ZFAND1: variants seen among roughly 807,000 people sequenced by gnomAD.
ZFAND1 encodes AN1-type zinc finger protein 1.
A neutral mutation model predicts 38.5 loss-of-function variants in ZFAND1; 40 were observed. The ratio of observed to expected loss-of-function variants is 1.04; its 90% CI spans 0.81 to 1.35. ZFAND1 has a LOEUF of 1.35. Ranked by LOEUF, ZFAND1 falls within the 40% of genes most tolerant of loss-of-function variation. ZFAND1 has a pLI of 0.00. For missense variants in ZFAND1, 346 were observed against 316.3 expected, an observed-to-expected ratio of 1.09 and a Z score of -0.71; for synonymous variants, 117 against 103.6, an observed-to-expected ratio of 1.13 and a Z score of -0.78.
chr8:81,720,977 T>C (rs1585932962), intron 1 of ZFAND1: 1 of 517,064 alleles, frequency 1.9e-6, no homozygotes, highest in South Asian at 2.4e-5. Flanking sequence ...CCCACCCCGC[T>C]CCTCAGGCCC....
At chr8:81,715,612 G>C (rs536925272) in intron 3 of ZFAND1, among the ~76,000 whole-genome samples, 22 of 149,818 alleles carry the variant, frequency 1.5e-4, no homozygotes, top group African/African-American at 4.2e-4. Context: ...TTTATTACCA[G>C]CAAATACTCC....
intron 3 of ZFAND1, among the ~76,000 whole-genome samples, chr8:81,715,684 A>G (rs1171927528): frequency 2.0e-5 from 3 of 152,062 alleles, no homozygotes; most frequent in African/African-American, 7.2e-5. Flanking sequence ...CAGCCAGGCT[A>G]TTCTGAGCAT....
At chr8:81,719,346 C>CACAT (rs1344172565) in intron 1 of ZFAND1, among the ~76,000 whole-genome samples, 2 of 150,378 alleles carry the variant, frequency 1.3e-5, no homozygotes, top group African/African-American at 5.0e-5. Flanking sequence ...CACACACACA[C>CACAT]ACACACACAA....
At chr8:81,718,020 A>G (rs1808366131) in intron 2 of ZFAND1, among the ~76,000 whole-genome samples, 162 bp downstream of exon 2, 2 of 151,842 alleles carry the variant, frequency 1.3e-5, no homozygotes, top group African/African-American at 4.9e-5. Flanking sequence ...TTTAAAAATC[A>G]GTCATATATA....
chr8:81,707,228 A>G (rs1808009002), intron 6 of ZFAND1, among the ~76,000 whole-genome samples: 1 of 152,210 alleles, frequency 6.6e-6, no homozygotes. Flanking sequence ...GCTTAGGAGC[A>G]GGAAAGGAGC....
In ZFAND1 at chr8:81,721,210, G is replaced by T; in HGVS notation, c.55+17C>A. 1 of 1,547,036 alleles carries T rather than the reference G, an allele frequency of 6.5e-7. No individual in the cohort carries two copies. Among genetic ancestry groups the T allele is most frequent in the Non-Finnish European group, 8.7e-7 (1 of 1,146,836 alleles). ...TCTCCCGCGGCCGGGGATGGGGGCT[G>T]GAAGCTCCCGGATCACCTCGCTGCC... On this transcript the variant is annotated intron_variant, in intron 1 of 7. Transcript: ENST00000220669.
intron 6 of ZFAND1, 68 bp downstream of exon 6, chr8:81,713,850 G>T: frequency 6.7e-7 from 1 of 1,482,434 alleles, no homozygotes; most frequent in Non-Finnish European, 9.4e-7. Context: ...TTGATGGGAA[G>T]GAGGAATACA....
chr8:81,720,855 G>C, intron 1 of ZFAND1: 1 of 368,810 alleles, frequency 2.7e-6, no homozygotes, highest in Non-Finnish European at 5.0e-6. Flanking sequence ...TGCAAGGTAC[G>C]TTTTCAGGAA....
chr8:81,706,943 A>C (rs1808002175), intron 6 of ZFAND1, among the ~76,000 whole-genome samples: 1 of 152,228 alleles, frequency 6.6e-6, no homozygotes, highest in Non-Finnish European at 1.5e-5. Flanking sequence ...AAAGAAGAAA[A>C]ATATGAAATG....
intron 6 of ZFAND1, among the ~76,000 whole-genome samples, chr8:81,707,567 A>T (rs953628045): frequency 6.6e-6 from 1 of 152,250 alleles, no homozygotes; most frequent in Admixed American, 6.5e-5. Flanking sequence ...GGTATTTTTT[A>T]AAATCTGAAT....
chr8:81,717,185 A>G, intron 3 of ZFAND1, 64 bp downstream of exon 3: 1 of 1,401,914 alleles, frequency 7.1e-7, no homozygotes, highest in South Asian at 1.5e-5. Context: ...AAATCTAATC[A>G]AATTCTGAAT....
rs971897797 is a variant in ZFAND1 at position 81,701,864 on chromosome 8, T to C, written c.*831A>G. 6.6e-6 allele frequency: 1 copy of C among 152,220 alleles called. No homozygotes were observed. Among genetic ancestry groups the C allele is most frequent in the Non-Finnish European group, 1.5e-5 (1 of 68,030 alleles). 9.4% of individuals were successfully genotyped at this position (152,220 alleles called of 1,614,324 possible). A position where few individuals can be genotyped will look rare whatever the true frequency, so the allele number is the denominator to read the frequency against. On this transcript the variant is annotated 3_prime_UTR_variant, in exon 8 of 8. Coordinates refer to ENST00000220669, the MANE Select transcript of ZFAND1 (RefSeq NM_024699.3). ...GTAGTAGTTTTGGGGGTATAGATAG[T>C]AAACACTAGTCAAGAATACTCGTCT...
chr8:81,703,141 T>C lies in ZFAND1; in HGVS notation c.481-17A>G. On this transcript the variant is annotated splice_polypyrimidine_tract_variant and intron_variant, in intron 6 of 7. Coordinates refer to ENST00000220669, the MANE Select transcript of ZFAND1 (RefSeq NM_024699.3). ...TCTTTCTGTCTGTAAAAAGAAAAAG[T>C]TAAAACAACCATTACATAGACAAAA... 6.8e-7 allele frequency: 1 copy of C among 1,475,648 alleles called. No individual in the cohort carries two copies. The highest frequency in any genetic ancestry group is 9.1e-7 in the Non-Finnish European group (1 of 1,103,892). 91.4% of individuals were successfully genotyped at this position (1,475,648 alleles called of 1,614,324 possible).
chr8:81,702,693 G>T lies in ZFAND1; in HGVS notation c.*2C>A. 1 of 1,498,594 alleles carries T rather than the reference G, an allele frequency of 6.7e-7. No homozygotes were observed. Among genetic ancestry groups the T allele is most frequent in the Non-Finnish European group, 8.9e-7 (1 of 1,122,912 alleles). 92.8% of individuals were successfully genotyped at this position (1,498,594 alleles called of 1,614,324 possible). On this transcript the variant is annotated 3_prime_UTR_variant, in exon 8 of 8. Coordinates refer to ENST00000220669, the MANE Select transcript of ZFAND1 (RefSeq NM_024699.3). ...TGATTTCTGACTTGAATCTTTGAAT[G>T]ACTATTCCAAGTAAGATTCAACATT...
intron 2 of ZFAND1, 92 bp downstream of exon 2, chr8:81,718,090 C>T: frequency 9.7e-6 from 10 of 1,034,914 alleles, no homozygotes; most frequent in Non-Finnish European, 1.4e-5. Context: ...GCTAAAGTAA[C>T]AATTATTTTA....
rs1472110070 is a variant in ZFAND1 at position 81,702,781 on chromosome 8, G to T, written c.721C>A (p.Pro241Thr). 8 of 1,608,402 alleles carry T rather than the reference G, an allele frequency of 5.0e-6. No individual in the cohort carries two copies. The highest frequency in any genetic ancestry group is 6.8e-6 in the Non-Finnish European group (8 of 1,177,678). ...ATTATATTTCCACCATTATATAAAG[G>T]ACAATCCTCCTTAGCAATCCAGGTT... ...LETWIAKEDC[P>T]LYNGGNIILE... Residue 241 changes from proline (P) to threonine (T), a missense_variant, in exon 8 of 8, where the codon CCT becomes ACT. Physicochemically the swap from Pro to Thr is conservative, Grantham distance 38. Transcript: ENST00000220669.
At position 81,714,803 on chromosome 8, in the gene ZFAND1, C is replaced by T. The variant is rs763856318; in HGVS notation, c.358+1G>A. 3.1e-6 allele frequency: 5 copies of T among 1,613,722 alleles called. No homozygotes were observed. The highest frequency in any genetic ancestry group is 2.2e-5 in the South Asian group (2 of 91,042). On this transcript the variant is annotated splice_donor_variant, in intron 5 of 7. Transcript: ENST00000220669. LOFTEE classifies it high-confidence loss of function. Reference sequence around the variant, plus strand: ...ACAAAACACGCTTTCTAGATACTTACCAATAATGTCTTTAACAAGTTTCTG... The same window carrying T: ...ACAAAACACGCTTTCTAGATACTTATCAATAATGTCTTTAACAAGTTTCTG...
chr8:81,711,022 AG>A (rs1808125914), intron 6 of ZFAND1, among the ~76,000 whole-genome samples: 1 of 152,228 alleles, frequency 6.6e-6, no homozygotes, highest in Non-Finnish European at 1.5e-5. Flanking sequence ...AATATGGAAA[AG>A]TTATTTGTAC....
chr8:81,713,481 G>C (rs1208801727), intron 6 of ZFAND1, among the ~76,000 whole-genome samples: 9 of 151,992 alleles, frequency 5.9e-5, no homozygotes, highest in Non-Finnish European at 5.9e-5. Flanking sequence ...ACTCAACTGT[G>C]TTAAGGTATG....
Sources: gnomAD v4.1 joint callset for allele counts (sites outside exome capture counted in the v4.1 genomes callset) on GRCh38, gnomAD v4.1.1 for gene constraint, MANE v1.5 for transcripts, NCBI Gene and HGNC (gene_info 2026-07-23, HGNC 2026-07-21) for gene names.